Variants in RCAN1 observed in about 807,000 individuals in gnomAD.
RCAN1 encodes the protein regulator of calcineurin 1.
Under a neutral mutation model 22.9 loss-of-function variants are expected in RCAN1, and 11 were observed. That is an observed-to-expected ratio of 0.48 (90% CI 0.30 to 0.79). The LOEUF (loss-of-function observed/expected upper bound fraction) is 0.79. Among genes scored for constraint, RCAN1 ranks in the 30% least tolerant of loss-of-function variants. The pLI is 0.06. For missense variants in RCAN1, 291 were observed against 337.8 expected, an observed-to-expected ratio of 0.86 and a Z score of 1.09; for synonymous variants, 136 against 142.3, an observed-to-expected ratio of 0.96 and a Z score of 0.32.
chr21:34,605,162 C>T (rs942180201), intron 1 of RCAN1, among the ~76,000 whole-genome samples: 2 of 152,226 alleles, frequency 1.3e-5, no homozygotes, highest in Non-Finnish European at 2.9e-5. Flanking sequence ...CCTCTATCTG[C>T]GTGGGCACCA....
At position 34,563,792 on chromosome 21, in the gene RCAN1, TATAG is replaced by T. The variant is rs1182895044; in HGVS notation, c.253-40086_253-40083del. 6.1e-3 allele frequency among the ~76,000 whole-genome samples: 453 copies of T among 74,678 alleles called. 3 individuals are homozygous for T. The highest frequency in any genetic ancestry group is 0.02 in the African/African-American group (335 of 16,728). The allele number at this position is 74,678 out of a possible 152,430, so 49.0% of individuals were successfully genotyped here. On this transcript the variant is annotated intron_variant, in intron 1 of 3. Transcript: ENST00000313806. The stretch of plus-strand genomic sequence containing the variant: ...AAAAATATATATATATATATATATA[TATAG>T]AGAGAGAGAGAGAGAGAGAGAGAGG...
At position 34,615,002 on chromosome 21, in the gene RCAN1, C is replaced by A; in HGVS notation, c.10G>T (p.Gly4Cys). ...GCCCCGAGCTGGGGACCGGCCACGC[C>A]GTCCTCCATCCCCGCGCCCGCGCGA... is the stretch of plus-strand genomic sequence containing the variant. Reference protein sequence around the residue: MEDGVAGPQLGAAA... With the variant: MEDCVAGPQLGAAA... The change falls in exon 1 of 4, where the codon GGC becomes TGC. Residue 4 changes from glycine to cysteine, a missense_variant. By Grantham distance (159) the Gly-to-Cys change is radical. Transcript: ENST00000313806. 1 of 1,079,234 alleles carries A rather than the reference C, an allele frequency of 9.3e-7. No homozygotes were observed. Among genetic ancestry groups the A allele is most frequent in the Non-Finnish European group, 1.1e-6 (1 of 894,574 alleles). 66.9% of individuals were successfully genotyped at this position (1,079,234 alleles called of 1,614,324 possible).
At chr21:34,550,531 C>G (rs2284581) in intron 1 of RCAN1, among the ~76,000 whole-genome samples, 36,475 of 151,792 alleles carry the variant, frequency 0.24, 5,054 homozygotes, top group African/African-American at 0.39. Context: ...TGTGAGGACA[C>G]AGAGATAGCA....
At chr21:34,553,199 A>G (rs183237211) in intron 1 of RCAN1, among the ~76,000 whole-genome samples, 1 of 152,334 alleles carries the variant, frequency 6.6e-6, no homozygotes, top group Non-Finnish European at 1.5e-5. Flanking sequence ...AGCAGCCACA[A>G]TGGACTTTTA....
At chr21:34,604,610 T>C (rs1302326725) in intron 1 of RCAN1, among the ~76,000 whole-genome samples, 3 of 152,238 alleles carry the variant, frequency 2.0e-5, no homozygotes, top group Admixed American at 6.5e-5. Context: ...GGAAGAGAAC[T>C]AGAATCACAT....
intron 1 of RCAN1, among the ~76,000 whole-genome samples, chr21:34,595,014 C>G (rs981457374): frequency 1.3e-5 from 2 of 152,186 alleles, no homozygotes; most frequent in African/African-American, 4.8e-5. Flanking sequence ...CCTCCAGATG[C>G]CTCAGTGACT....
Position 34,518,361 on chromosome 21 carries a change from C to T in RCAN1, c.587-105G>A. 1 of 1,219,818 alleles carries T rather than the reference C, an allele frequency of 8.2e-7. No homozygotes were observed. The highest frequency in any genetic ancestry group is 1.5e-5 in the African/African-American group (1 of 66,204). The allele number at this position is 1,219,818 out of a possible 1,614,324, so 75.6% of individuals were successfully genotyped here. On this transcript the variant is annotated intron_variant, in intron 3 of 3. Coordinates refer to ENST00000313806, the MANE Select transcript of RCAN1 (RefSeq NM_004414.7). This position sits in a 1 kb window ranked among gnomAD's most constrained non-coding sequence, Gnocchi z 4.2. ...CTCTGCTGGGCCAGCTGCTCGTGAC[C>T]ATTCGATTGGGCTGAGAGACACAGC... is the stretch of plus-strand genomic sequence containing the variant.
Position 34,614,279 on chromosome 21 carries a change from C to T in RCAN1, c.252+481G>A. Reference sequence around the variant, plus strand: ...TAATGAGCAACCACGGATCCTCACCCAAACATTGGCTTTTCTTCCAATAGT... The same window carrying T: ...TAATGAGCAACCACGGATCCTCACCTAAACATTGGCTTTTCTTCCAATAGT... On this transcript the variant is annotated intron_variant, in intron 1 of 3. Transcript: ENST00000313806. This position sits in a 1 kb window ranked among gnomAD's most constrained non-coding sequence, Gnocchi z 6.0. 1.0e-6 allele frequency: 1 copy of T among 993,072 alleles called. No homozygotes were observed. Among genetic ancestry groups the T allele is most frequent in the Non-Finnish European group, 1.2e-6 (1 of 835,322 alleles). 61.5% of individuals were successfully genotyped at this position (993,072 alleles called of 1,614,324 possible).
At chr21:34,525,035 G>A (rs1393524531) in intron 1 of RCAN1, 2 of 1,544,194 alleles carry the variant, frequency 1.3e-6, no homozygotes, top group Non-Finnish European at 1.8e-6. Flanking sequence ...CAGGAAGAAG[G>A]GGATGGCGCA....
intron 1 of RCAN1, among the ~76,000 whole-genome samples, chr21:34,571,993 G>T (rs1355536910): frequency 2.6e-5 from 4 of 152,302 alleles, no homozygotes; most frequent in African/African-American, 9.6e-5. Context: ...TGTGGAAAAT[G>T]ATCATCCTAT....
intron 1 of RCAN1, among the ~76,000 whole-genome samples, chr21:34,557,532 C>A (rs927058606): frequency 1.2e-4 from 18 of 152,178 alleles, no homozygotes. Context: ...CCAGCAGGCA[C>A]CTTTAACTAT....
At chr21:34,550,284 GT>G (rs1986319154) in intron 1 of RCAN1, among the ~76,000 whole-genome samples, 1 of 152,200 alleles carries the variant, frequency 6.6e-6, no homozygotes, top group Non-Finnish European at 1.5e-5. Flanking sequence ...TTGAGAAACA[GT>G]TTTGCAAATT....
At chr21:34,608,657 C>T (rs1207317300) in intron 1 of RCAN1, among the ~76,000 whole-genome samples, 2 of 152,228 alleles carry the variant, frequency 1.3e-5, no homozygotes, top group East Asian at 3.8e-4. Context: ...GAATTTCTGA[C>T]CCACAGACAC....
chr21:34,589,100 A>T (rs1987891155), intron 1 of RCAN1, among the ~76,000 whole-genome samples: 1 of 152,198 alleles, frequency 6.6e-6, no homozygotes, highest in African/African-American at 2.4e-5. Context: ...CAACAATGTG[A>T]ATATATTTAA....
chr21:34,580,184 C>T (rs1020048521), intron 1 of RCAN1, among the ~76,000 whole-genome samples: 6 of 137,902 alleles, frequency 4.4e-5, no homozygotes, highest in African/African-American at 1.6e-4. Context: ...GGAAGTCAAG[C>T]CCAGCTTTAG....
intron 1 of RCAN1, chr21:34,525,114 G>A (rs753984084): frequency 3.2e-6 from 5 of 1,550,612 alleles, no homozygotes; most frequent in Non-Finnish European, 4.4e-6. Flanking sequence ...AAGGCGCAGT[G>A]TCTCTGCAGT....
chr21:34,553,966 C>T (rs8131818), intron 1 of RCAN1, among the ~76,000 whole-genome samples: 2,375 of 152,260 alleles, frequency 0.016, 54 homozygotes, highest in African/African-American at 0.055. Flanking sequence ...ATTTAATCAG[C>T]GATTTTTTAC....
At chr21:34,531,580 C>T (rs1038316586) in intron 1 of RCAN1, among the ~76,000 whole-genome samples, 3 of 152,180 alleles carry the variant, frequency 2.0e-5, no homozygotes, top group African/African-American at 7.2e-5. Flanking sequence ...CATAAAAATC[C>T]CTGATGCTGA....
At chr21:34,523,482 A>T in intron 2 of RCAN1, 55 bp downstream of exon 2, 1 of 1,576,116 alleles carries the variant, frequency 6.3e-7, no homozygotes, top group Admixed American at 1.8e-5. Flanking sequence ...AAGCTGCTTT[A>T]CAAAAGGGAG....
Sources: gnomAD v4.1 joint callset for allele counts (sites outside exome capture counted in the v4.1 genomes callset) on GRCh38, gnomAD v4.1.1 for gene constraint, Gnocchi (gnomAD v3.1) non-coding constraint, MANE v1.5 for transcripts, NCBI Gene and HGNC (gene_info 2026-07-23, HGNC 2026-07-21) for gene names.